NFIB: variants seen among roughly 807,000 people sequenced by gnomAD.
NFIB encodes the protein nuclear factor I B.
Under a neutral mutation model 61.5 loss-of-function variants are expected in NFIB, and 11 were observed. The ratio of observed to expected loss-of-function variants is 0.18; its 90% confidence interval spans 0.11 to 0.30. The LOEUF is 0.30. Among genes scored for constraint, NFIB ranks in the 10% least tolerant of loss-of-function variants. The pLI, the probability that NFIB is intolerant of heterozygous loss-of-function variation, is 1.00. For synonymous variants in NFIB, 260 were observed against 216.5 expected (o/e 1.20, Z -1.76); for missense variants, 471 against 608.9 (o/e 0.77, Z 2.38).
At chr9:14,262,206 G>A (rs1398060332) in intron 2 of NFIB, among the ~76,000 whole-genome samples, 1 of 152,042 alleles carries the variant, frequency 6.6e-6, no homozygotes, top group Non-Finnish European at 1.5e-5. Context: ...TTTCAAACCT[G>A]GCTTTGATTG....
intron 2 of NFIB, among the ~76,000 whole-genome samples, chr9:14,261,713 A>C (rs1471931561): frequency 6.6e-6 from 1 of 152,158 alleles, no homozygotes; most frequent in Non-Finnish European, 1.5e-5. Context: ...GAACTTAATG[A>C]ACTTAAAGTG....
intron 1 of NFIB, among the ~76,000 whole-genome samples, chr9:14,347,845 C>G (rs1272599161): frequency 6.6e-6 from 1 of 152,138 alleles, no homozygotes; most frequent in African/African-American, 2.4e-5. Flanking sequence ...ATTAGATTCT[C>G]TCGCCGAGGG....
At chr9:14,291,640 TA>T (rs988368292) in intron 2 of NFIB, among the ~76,000 whole-genome samples, 12 of 151,620 alleles carry the variant, frequency 7.9e-5, no homozygotes, top group Non-Finnish European at 1.2e-4. Flanking sequence ...GTTTTAAACT[TA>T]AAAAAAAATT....
chr9:14,497,261 A>G, the NFIB span, among the ~76,000 whole-genome samples: 1 of 152,154 alleles, frequency 6.6e-6, no homozygotes, highest in Non-Finnish European at 1.5e-5. Context: ...TCACCCAATT[A>G]CATTTTTTTT....
At chr9:14,468,848 T>C in the NFIB span, among the ~76,000 whole-genome samples, 1 of 152,180 alleles carries the variant, frequency 6.6e-6, no homozygotes, top group Non-Finnish European at 1.5e-5. Flanking sequence ...CACAAGTAAA[T>C]TGCCCAGATC....
chr9:14,329,787 A>G (rs955218228), intron 1 of NFIB, among the ~76,000 whole-genome samples: 3 of 151,006 alleles, frequency 2.0e-5, no homozygotes, highest in African/African-American at 4.8e-5. Flanking sequence ...TGCTGGGATT[A>G]TAGGCGTGAG....
chr9:14,083,344 A>G lies in NFIB; in HGVS notation c.*4965T>C. ...TGCAGGGCTCCACTCCACCCACACA[A>G]TTTTAGGGAATTAGAAAAAACAGGG... On this transcript the variant is annotated 3_prime_UTR_variant, in exon 11 of 11. Transcript: ENST00000380953. The G allele has an allele frequency of 4.4e-6, 1 of 226,586 alleles. No homozygotes were observed. Among genetic ancestry groups the G allele is most frequent in the Non-Finnish European group, 8.8e-6 (1 of 113,606 alleles). The allele number at this position is 226,586 out of a possible 1,614,324, so 14.0% of individuals were successfully genotyped here. A position where few individuals can be genotyped will look rare whatever the true frequency, so the allele number is the denominator to read the frequency against.
chr9:14,169,304 C>T (rs2131343634), intron 3 of NFIB, among the ~76,000 whole-genome samples: 1 of 152,168 alleles, frequency 6.6e-6, no homozygotes, highest in Non-Finnish European at 1.5e-5. Flanking sequence ...AACACACATA[C>T]ATGCAAGGTA....
intron 1 of NFIB, among the ~76,000 whole-genome samples, chr9:14,319,525 G>A (rs965062110): frequency 1.3e-5 from 2 of 152,204 alleles, no homozygotes; most frequent in South Asian, 2.1e-4. Flanking sequence ...TGCTGATATT[G>A]AGAGAGTTGC....
the NFIB span, among the ~76,000 whole-genome samples, chr9:14,491,896 T>C: frequency 1.5e-4 from 23 of 152,322 alleles, no homozygotes; most frequent in Middle Eastern, 0.01. Context: ...GTTCTATGAA[T>C]TGCTCATTCA....
chr9:14,418,030 C>G, the NFIB span, among the ~76,000 whole-genome samples: 57 of 152,166 alleles, frequency 3.7e-4, no homozygotes, highest in Middle Eastern at 6.8e-3. Flanking sequence ...CCACCCACCT[C>G]GGCCTCCCAA....
At chr9:14,303,096 T>C (rs2059836242) in intron 2 of NFIB, among the ~76,000 whole-genome samples, 1 of 152,192 alleles carries the variant, frequency 6.6e-6, no homozygotes, top group Admixed American at 6.5e-5. Flanking sequence ...GTTTTCTCTC[T>C]CTCTTTTTAA....
chr9:14,409,898 T>A, the NFIB span, among the ~76,000 whole-genome samples: 1 of 152,066 alleles, frequency 6.6e-6, no homozygotes, highest in African/African-American at 2.4e-5. Flanking sequence ...ATATGAAAAA[T>A]TGATGTTAAA....
chr9:14,189,244 A>G (rs765698093), intron 2 of NFIB, among the ~76,000 whole-genome samples: 2 of 152,218 alleles, frequency 1.3e-5, no homozygotes, highest in African/African-American at 4.8e-5. Context: ...AAAATCAGAC[A>G]TAAGACTTTC....
At chr9:14,411,634 C>T in the NFIB span, among the ~76,000 whole-genome samples, 1 of 152,210 alleles carries the variant, frequency 6.6e-6, no homozygotes, top group Non-Finnish European at 1.5e-5. Flanking sequence ...AGGGCTTGAA[C>T]TCTTTTCCTC....
chr9:14,388,367 A>AAGGAAGGAAGGAAG (rs2061576618), intron 1 of NFIB, among the ~76,000 whole-genome samples: 1 of 131,808 alleles, frequency 7.6e-6, no homozygotes, highest in African/African-American at 3.0e-5. Flanking sequence ...AGAGAAAGAA[A>AAGGAAGGAAGGAAG]GAAGGAAGGA....
intron 1 of NFIB, among the ~76,000 whole-genome samples, chr9:14,332,495 A>G (rs888398530): frequency 2.6e-5 from 4 of 152,152 alleles, no homozygotes; most frequent in African/African-American, 9.7e-5. Flanking sequence ...ATTTAACAGC[A>G]TCTTGAGCAA....
At position 14,113,356 on chromosome 9, in the gene NFIB, G is replaced by C. The variant is rs954625302; in HGVS notation, c.1385-275C>G. Among the ~76,000 whole-genome samples the C allele has an allele frequency of 5.9e-5, 9 of 152,160 alleles. No homozygotes were observed. The East Asian group carries it at 1.7e-3, about 29-fold the overall frequency. On this transcript the variant is annotated intron_variant, in intron 9 of 10. Transcript: ENST00000380953. ...CTCACACTTACATGCTCTAGTAACT[G>C]TCCTGTGGAGGTACTAAGGATTGGA...
At chr9:14,449,832 G>A in the NFIB span, among the ~76,000 whole-genome samples, 1 of 152,040 alleles carries the variant, frequency 6.6e-6, no homozygotes, top group Admixed American at 6.6e-5. Flanking sequence ...TACTCCGGAG[G>A]CTGAGGCATG....
Sources: allele counts gnomAD v4.1 joint callset (sites outside exome capture counted in the v4.1 genomes callset), GRCh38; gene constraint gnomAD v4.1.1; transcripts MANE v1.5; gene names NCBI Gene and HGNC (gene_info 2026-07-23, HGNC 2026-07-21).